SMPD4: variants seen among roughly 807,000 people sequenced by gnomAD.
SMPD4 encodes the protein sphingomyelin phosphodiesterase 4.
A neutral mutation model predicts 97.8 loss-of-function variants in SMPD4; 58 were observed. The ratio of observed to expected loss-of-function variants is 0.59; its 90% CI spans 0.48 to 0.74. The LOEUF is 0.74. SMPD4 is among the 30% of genes least tolerant of loss of function. SMPD4 has a pLI of 0.00. For synonymous variants in SMPD4, 388 were observed against 450.0 expected (o/e 0.86, Z 1.74); for missense variants, 853 against 1,080.5 (o/e 0.79, Z 2.95).
rs114458152 is a variant in SMPD4, at chr2:130,167,920, G to A, written c.660-330C>T. Among the ~76,000 whole-genome samples, 808 of 152,262 alleles carry A rather than the reference G, an allele frequency of 5.3e-3. 9 individuals are homozygous for A. The highest frequency in any genetic ancestry group is 0.019 in the African/African-American group (773 of 41,536). ...ATCAACAGTGAGGTTGGGCATGGGGGTTCACACCTGTGAGCATGGGGGCTC... is the reference window on the plus strand; with the variant it reads ...ATCAACAGTGAGGTTGGGCATGGGGATTCACACCTGTGAGCATGGGGGCTC... On this transcript the variant is annotated intron_variant, in intron 8 of 19. Coordinates refer to ENST00000680298, the MANE Select transcript of SMPD4 (RefSeq NM_017951.5).
chr2:130,154,216 G>T, intron 16 of SMPD4, 61 bp downstream of exon 16: 1 of 1,501,486 alleles, frequency 6.7e-7, no homozygotes, highest in South Asian at 1.4e-5. Flanking sequence ...AGCACTTCCC[G>T]GGTTCTGCTC....
intron 14 of SMPD4, among the ~76,000 whole-genome samples, 156 bp from the exon 15 acceptor site, chr2:130,155,415 C>G (rs748821277): frequency 1.3e-5 from 2 of 152,038 alleles, no homozygotes; most frequent in Non-Finnish European, 2.9e-5. Context: ...CAGGGGGCCA[C>G]GGGCAGGCAG....
At chr2:130,159,495 C>T (rs1386259989) in intron 11 of SMPD4, 1 of 151,934 alleles carries the variant, frequency 6.6e-6, no homozygotes, top group Non-Finnish European at 1.5e-5. Context: ...AAAAATTAGC[C>T]GGGTGGGTGG....
chr2:130,176,963 T>C (rs1324376974), intron 1 of SMPD4, among the ~76,000 whole-genome samples: 2 of 152,196 alleles, frequency 1.3e-5, no homozygotes, highest in African/African-American at 4.8e-5. Flanking sequence ...GTGTTGGGGT[T>C]ACAGGTGTGA....
Position 130,153,810 on chromosome 2 carries a change from G to A in SMPD4, c.1785C>T (p.Thr595=), listed in dbSNP as rs1224281747. 1.9e-6 allele frequency: 3 copies of A among 1,613,900 alleles called. No individual in the cohort carries two copies. The Admixed American group carries it at 5.0e-5, about 27-fold the overall frequency. ...GGTCGTTGGCTGTGTAGGAGCCATTGGTGTCCATGGAGCTAAAGCCCAGCC... is the reference window on the plus strand; with the variant it reads ...GGTCGTTGGCTGTGTAGGAGCCATTAGTGTCCATGGAGCTAAAGCCCAGCC... The part of the protein sequence containing the change: ...LSWLGFSSMD[T]NGSYTANDLD... Residue 595 remains threonine (T), a synonymous_variant, in exon 17 of 20, where the codon ACC becomes ACT. Coordinates refer to ENST00000680298, the MANE Select transcript of SMPD4 (RefSeq NM_017951.5).
Position 130,174,329 on chromosome 2 carries a change from A to T in SMPD4, c.126+585T>A, listed in dbSNP as rs117039581. Among the ~76,000 whole-genome samples the T allele has an allele frequency of 1.5e-4, 23 of 152,350 alleles. No homozygotes were observed. In the East Asian group the frequency reaches 4.4e-3, roughly 29 times the overall value. On this transcript the variant is annotated intron_variant, in intron 3 of 19. Coordinates refer to ENST00000680298, the MANE Select transcript of SMPD4 (RefSeq NM_017951.5). ...AGCCACCACAAAAAAAAGATTCTTTAAACAGTGATGGAAACTTCTGACTTG... is the reference window on the plus strand; with the variant it reads ...AGCCACCACAAAAAAAAGATTCTTTTAACAGTGATGGAAACTTCTGACTTG...
intron 16 of SMPD4, 62 bp downstream of exon 16, chr2:130,154,215 C>T (rs969862895): frequency 1.3e-5 from 19 of 1,498,982 alleles, no homozygotes; most frequent in African/African-American, 9.8e-5. Context: ...CAGCACTTCC[C>T]GGGTTCTGCT....
chr2:130,180,333 C>T (rs1689430701), intron 1 of SMPD4, among the ~76,000 whole-genome samples: 1 of 151,648 alleles, frequency 6.6e-6, no homozygotes, highest in African/African-American at 2.4e-5. Context: ...AGTGCAGTGG[C>T]GCGATCTCAG....
Position 130,164,765 on chromosome 2 carries a change from T to G in SMPD4, c.793-320A>C, listed in dbSNP as rs141061043. Among the ~76,000 whole-genome samples the G allele has an allele frequency of 4.7e-4, 71 of 152,172 alleles. 1 individual carries two copies. The highest frequency in any genetic ancestry group is 3.5e-3 in the South Asian group (17 of 4,816). ...AGGAAAAAAAATAGACAACTAGACT[T>G]CATCAAAATCAACACTCTTGAGCAT... On this transcript the variant is annotated intron_variant, in intron 9 of 19. Coordinates refer to ENST00000680298, the MANE Select transcript of SMPD4 (RefSeq NM_017951.5).
intron 1 of SMPD4, among the ~76,000 whole-genome samples, chr2:130,178,688 G>A (rs1199134213): frequency 1.3e-5 from 2 of 151,886 alleles, no homozygotes; most frequent in African/African-American, 2.4e-5. Flanking sequence ...CCAGCAACTC[G>A]GGAGGCTGAG....
Position 130,153,706 on chromosome 2 carries a change from A to C in SMPD4, c.1889T>G (p.Phe630Cys), listed in dbSNP as rs749483979. The C allele has an allele frequency of 3.1e-6, 5 of 1,613,458 alleles. No homozygotes were observed. In the African/African-American group the frequency reaches 6.7e-5, roughly 22 times the overall value. The change falls in exon 17 of 20, where the codon TTC (phenylalanine) becomes TGC (cysteine). Residue 630 changes from phenylalanine (F) to cysteine (C), a missense_variant. Around this residue, in one of 3 missense-constraint regions of SMPD4, gnomAD observed 511 missense variants for 608.1 expected, o/e 0.84. Transcript: ENST00000680298. ...EKALEYLRQI[F>C]RLSEAQLRQF... ...GGCAGGCCCCATAGCTCGTACCCGG[A>C]ATATCTGGCGCAGGTACTCCAGGGC... is the stretch of plus-strand genomic sequence containing the variant.
Position 130,156,675 on chromosome 2 carries a change from C to T in SMPD4, c.1098G>A (p.Arg366=). The change falls in exon 13 of 20, where the codon CGG becomes CGA. Residue 366 remains arginine, a splice_region_variant and synonymous_variant. Coordinates refer to ENST00000680298, the MANE Select transcript of SMPD4 (RefSeq NM_017951.5). ...GCTGGACGAACCTCGGGACAGCAGC[C>T]CTGCAGGGGATGGGGAGGGTCACCT... ...HATSPLEEFK[R]AAVPRFVQQK... is the part of the protein sequence containing the mutation. 1.2e-6 allele frequency: 2 copies of T among 1,612,904 alleles called. No individual in the cohort carries two copies. The highest frequency in any genetic ancestry group is 1.7e-6 in the Non-Finnish European group (2 of 1,179,456).
rs1189426151 is a variant in SMPD4, at chr2:130,153,136, G to A, written c.2061C>T (p.Tyr687=). 1 of 1,613,874 alleles carries A rather than the reference G, an allele frequency of 6.2e-7. No individual in the cohort carries two copies. Among genetic ancestry groups the A allele is most frequent in the South Asian group, 1.1e-5 (1 of 91,086 alleles). Residue 687 remains tyrosine (Y), a synonymous_variant, in exon 19 of 20, where the codon TAC becomes TAT. Transcript: ENST00000680298. ...TGGGCTGCAGCTCCGGGTCCCCCTG[G>A]TACTCAATTTCAAACCTTCGCAGCC... ...INGLRRFEIE[Y]QGDPELQPIR... is the part of the protein sequence containing the mutation.
intron 16 of SMPD4, 67 bp from the exon 17 acceptor site, chr2:130,154,002 A>G: frequency 6.8e-7 from 1 of 1,467,268 alleles, no homozygotes; most frequent in Non-Finnish European, 9.3e-7. Context: ...CAGCCCCAAG[A>G]GCAATGCACA....
At position 130,156,124 on chromosome 2, in the gene SMPD4, C is replaced by T; in HGVS notation, c.1200G>A (p.Met400Ile). The change falls in exon 14 of 20, where the codon ATG becomes ATA. Residue 400 changes from methionine to isoleucine, a missense_variant. Around this residue, in one of 3 missense-constraint regions of SMPD4, gnomAD observed 511 missense variants for 608.1 expected, o/e 0.84. Transcript: ENST00000680298. The stretch of plus-strand genomic sequence containing the variant: ...GCCACGGCTGCAGGTAGCTCAGCCA[C>T]ATCTCCAGGACCTGTGGGGGAGGTG... ...LDASFRAVLE[M>I]WLSYLQPWRY... The T allele has an allele frequency of 1.2e-6, 2 of 1,610,952 alleles. No homozygotes were observed. Among genetic ancestry groups the T allele is most frequent in the South Asian group, 1.1e-5 (1 of 90,996 alleles).
intron 3 of SMPD4, among the ~76,000 whole-genome samples, chr2:130,174,690 T>C (rs1688802225): frequency 1.3e-5 from 2 of 152,176 alleles, no homozygotes; most frequent in Non-Finnish European, 2.9e-5. Context: ...GTCTCTGACA[T>C]TGCCAAGTGT....
Position 130,173,500 on chromosome 2 carries a change from A to G in SMPD4, c.269+14T>C. 6.3e-7 allele frequency: 1 copy of G among 1,592,242 alleles called. No homozygotes were observed. The highest frequency in any genetic ancestry group is 1.1e-5 in the South Asian group (1 of 88,090). On this transcript the variant is annotated intron_variant, in intron 4 of 19. Transcript: ENST00000680298. Reference sequence around the variant, plus strand: ...GGAATCACCCAGCCTCTCTCCGGTGACCAACCTACCTACCCAGGGTCGAGA... The same window carrying G: ...GGAATCACCCAGCCTCTCTCCGGTGGCCAACCTACCTACCCAGGGTCGAGA...
At chr2:130,161,367 G>C (rs1366996036) in intron 10 of SMPD4, 95 bp from the exon 11 acceptor site, 4 of 928,878 alleles carry the variant, frequency 4.3e-6, no homozygotes, top group East Asian at 5.0e-5. Context: ...AGACACGGGA[G>C]GGGGAAGCGG....
In SMPD4 at chr2:130,153,208, C is replaced by G. The variant is rs377358034; in HGVS notation, c.2026-37G>C. 4 of 1,613,364 alleles carry G rather than the reference C, an allele frequency of 2.5e-6. No homozygotes were observed. In the African/African-American group the frequency reaches 5.3e-5, roughly 22 times the overall value. On this transcript the variant is annotated intron_variant, in intron 18 of 19. Transcript: ENST00000680298. The stretch of plus-strand genomic sequence containing the variant: ...GGCCATGGGGATGGGTCAGAAAACA[C>G]AGCCCCACACACAACTCAGAGGAGC...
Sources: allele counts gnomAD v4.1 joint callset (sites outside exome capture counted in the v4.1 genomes callset), GRCh38; gene constraint gnomAD v4.1.1; regional missense constraint gnomAD v4.1.1; transcripts MANE v1.5; gene names NCBI Gene and HGNC (gene_info 2026-07-23, HGNC 2026-07-21).